Variants in FAM13A observed in about 807,000 individuals in gnomAD.
FAM13A encodes family with sequence similarity 13 member A, also known as protein FAM13A.
In FAM13A, 76 loss-of-function variants were observed where a neutral mutation model predicts 129.6. The observed-to-expected ratio is 0.59, with a 90% confidence interval of 0.49 to 0.71. FAM13A has a LOEUF of 0.71. Ranked by LOEUF, FAM13A falls within the 30% of genes least tolerant of loss-of-function variation. The pLI, the probability that FAM13A is intolerant of heterozygous loss-of-function variation, is 0.00. For synonymous variants in FAM13A, 443 were observed against 449.9 expected (o/e 0.98, Z 0.20); for missense variants, 1,108 against 1,249.3 (o/e 0.89, Z 1.70).
At chr4:89,003,469 G>A (rs994965384) in intron 3 of FAM13A, among the ~76,000 whole-genome samples, 1 of 151,868 alleles carries the variant, frequency 6.6e-6, no homozygotes, top group Non-Finnish European at 1.5e-5. Context: ...AAATTAGCTA[G>A]GTATGTTGGT....
rs569972969 is a variant in FAM13A, at chr4:88,995,383, T to C, written c.428-4233A>G. 1.1e-4 allele frequency among the ~76,000 whole-genome samples: 17 copies of C among 152,212 alleles called. No homozygotes were observed. In the South Asian group the frequency reaches 3.5e-3, roughly 32 times the overall value. ...GAGATTAACATTTGAGTCAGTGGAC[T>C]GGGAGAAGCAGACCCACCCTCAGTG... On this transcript the variant is annotated intron_variant, in intron 3 of 23. Coordinates refer to ENST00000264344, the MANE Select transcript of FAM13A (RefSeq NM_014883.4).
At chr4:88,933,358 T>C (rs1753350459) in intron 5 of FAM13A, among the ~76,000 whole-genome samples, 1 of 152,078 alleles carries the variant, frequency 6.6e-6, no homozygotes, top group Admixed American at 6.6e-5. Context: ...TAGACTACTG[T>C]CCCCCTCAAT....
chr4:88,824,144 T>C (rs1426061472), intron 7 of FAM13A, among the ~76,000 whole-genome samples: 9 of 152,206 alleles, frequency 5.9e-5, no homozygotes, highest in Non-Finnish European at 8.8e-5. Context: ...TCCTAATCCA[T>C]AGATTTTATA....
intron 5 of FAM13A, chr4:88,936,264 A>G (rs72874153): frequency 1.8e-3 from 278 of 152,426 alleles, no homozygotes; most frequent in Middle Eastern, 0.01. Flanking sequence ...GCTATAAAGA[A>G]ATACTTAAGG....
At chr4:89,054,728 C>T (rs1579954806) in intron 1 of FAM13A, among the ~76,000 whole-genome samples, 1 of 152,132 alleles carries the variant, frequency 6.6e-6, no homozygotes, top group Non-Finnish European at 1.5e-5. Context: ...AGACTAAAAG[C>T]TGTCACCATA....
At chr4:89,044,529 A>T (rs772829266) in intron 1 of FAM13A, among the ~76,000 whole-genome samples, 2 of 152,214 alleles carry the variant, frequency 1.3e-5, no homozygotes, top group African/African-American at 4.8e-5. Context: ...TGGTTCCTCA[A>T]AAAGTTAAAC....
At chr4:88,998,496 A>AAATGTTT (rs1763846354) in intron 3 of FAM13A, among the ~76,000 whole-genome samples, 1 of 152,216 alleles carries the variant, frequency 6.6e-6, no homozygotes, top group Non-Finnish European at 1.5e-5. Context: ...AATATTTAAG[A>AAATGTTT]AATGTTTCCT....
At chr4:89,041,391 G>A (rs1770100639) in intron 1 of FAM13A, among the ~76,000 whole-genome samples, 1 of 152,128 alleles carries the variant, frequency 6.6e-6, no homozygotes, top group African/African-American at 2.4e-5. Context: ...TGTTATGAGA[G>A]TTTAATTAAC....
chr4:88,884,093 G>A (rs1205478344), intron 6 of FAM13A, among the ~76,000 whole-genome samples: 2 of 151,990 alleles, frequency 1.3e-5, no homozygotes, highest in African/African-American at 4.8e-5. Flanking sequence ...AAGAAGAATT[G>A]GTACCAATCC....
chr4:88,994,713 G>A (rs1763317764), intron 3 of FAM13A, among the ~76,000 whole-genome samples: 1 of 152,072 alleles, frequency 6.6e-6, no homozygotes, highest in South Asian at 2.1e-4. Context: ...GGTGGCACAT[G>A]CCTGTAGTCC....
chr4:89,055,492 A>G (rs1772110380), intron 1 of FAM13A, among the ~76,000 whole-genome samples: 1 of 152,198 alleles, frequency 6.6e-6, no homozygotes, highest in Non-Finnish European at 1.5e-5. Context: ...TACATGAGTC[A>G]GTGTGCATTC....
intron 7 of FAM13A, among the ~76,000 whole-genome samples, chr4:88,848,496 C>T (rs1198627585): frequency 6.6e-6 from 1 of 152,206 alleles, no homozygotes; most frequent in African/African-American, 2.4e-5. Flanking sequence ...CCTTTCTGGA[C>T]CAAGCCCTCC....
At chr4:89,020,726 A>T in intron 2 of FAM13A, 57 bp from the exon 3 acceptor site, 1 of 1,106,650 alleles carries the variant, frequency 9.0e-7, no homozygotes, top group Non-Finnish European at 1.4e-6. Context: ...CATGAAACGT[A>T]AAGAATGATA....
chr4:88,764,646 G>A (rs1745401395), intron 13 of FAM13A, among the ~76,000 whole-genome samples: 1 of 152,136 alleles, frequency 6.6e-6, no homozygotes, highest in Non-Finnish European at 1.5e-5. Context: ...ATAATACACA[G>A]AAGAACAAAG....
Position 89,028,050 on chromosome 4 carries a change from C to CA in FAM13A, c.217+1409dup, listed in dbSNP as rs35334263. On this transcript the variant is annotated intron_variant, in intron 2 of 23. Transcript: ENST00000264344. ...TGAAATCCCATCTCTACTAATAATA[C>CA]AAAAAAAAAAAAAAATAGCTGGGTG... 4.2e-3 allele frequency among the ~76,000 whole-genome samples: 581 copies of CA among 139,494 alleles called. 3 individuals are homozygous for CA. The highest frequency in any genetic ancestry group is 0.011 in the African/African-American group (420 of 37,382). 91.5% of individuals were successfully genotyped at this position (139,494 alleles called of 152,430 possible). A position where few individuals can be genotyped will look rare whatever the true frequency, so the allele number is the denominator to read the frequency against.
chr4:88,809,718 T>C (rs941469377), intron 7 of FAM13A, among the ~76,000 whole-genome samples: 9 of 152,072 alleles, frequency 5.9e-5, no homozygotes, highest in African/African-American at 1.9e-4. Context: ...GTGCAACACA[T>C]GTACTTGAGC....
chr4:89,033,177 G>GA (rs142643224), intron 1 of FAM13A, among the ~76,000 whole-genome samples: 5,901 of 151,384 alleles, frequency 0.039, 354 homozygotes, highest in African/African-American at 0.13. Flanking sequence ...AAAATACCTA[G>GA]AAAAAAATTA....
intron 3 of FAM13A, among the ~76,000 whole-genome samples, chr4:89,006,762 CA>C (rs1765092162): frequency 6.6e-6 from 1 of 152,132 alleles, no homozygotes; most frequent in Non-Finnish European, 1.5e-5. Flanking sequence ...TTTTATTAAG[CA>C]GTGGAAGGTG....
intron 16 of FAM13A, 109 bp downstream of exon 16, chr4:88,749,662 G>A: frequency 8.8e-7 from 1 of 1,134,570 alleles, no homozygotes; most frequent in Non-Finnish European, 1.3e-6. Flanking sequence ...TTTGTTGTAA[G>A]ATTCCCTAGA....
Sources: gnomAD v4.1 joint callset for allele counts (sites outside exome capture counted in the v4.1 genomes callset) on GRCh38, gnomAD v4.1.1 for gene constraint, MANE v1.5 for transcripts, NCBI Gene and HGNC (gene_info 2026-07-23, HGNC 2026-07-21) for gene names.